The following RETREG1 variants were observed in gnomAD, a reference collection of about 807,000 sequenced individuals.
RETREG1 encodes the protein reticulophagy regulator 1, also known as family with sequence similarity 134 member B.
Under a neutral mutation model 54.8 loss-of-function variants are expected in RETREG1, and 44 were observed. That is an observed-to-expected ratio of 0.80 (90% CI 0.63 to 1.03). The LOEUF (loss-of-function observed/expected upper bound fraction) is 1.03, where lower values mean the gene tolerates loss of function less well. RETREG1 is among the 50% of genes least tolerant of loss of function. The probability of loss-of-function intolerance (pLI) is 0.00; values close to 1 mark genes in which losing one functional copy is unlikely to be tolerated. For missense variants in RETREG1, 554 were observed against 605.1 expected, an observed-to-expected ratio of 0.92 and a Z score of 0.89; for synonymous variants, 217 against 238.5, an observed-to-expected ratio of 0.91 and a Z score of 0.83.
intron 1 of RETREG1, among the ~76,000 whole-genome samples, chr5:16,573,735 G>GTTTTTTTTTTTTTTTTTTTT (rs3993826): frequency 8.2e-6 from 1 of 122,104 alleles, no homozygotes; most frequent in African/African-American, 2.8e-5. Flanking sequence ...GGGTTTGTTT[G>GTTTTTTTTTTTTTTTTTTTT]TTTTTTGTTT....
chr5:16,596,109 AGGT>A (rs1262615583), intron 1 of RETREG1, among the ~76,000 whole-genome samples: 1 of 152,222 alleles, frequency 6.6e-6, no homozygotes, highest in East Asian at 1.9e-4. Flanking sequence ...CTGTAACACG[AGGT>A]GGTTAAACTG....
rs1206274628 is a variant in RETREG1 at position 16,594,395 on chromosome 5, G to A, written c.320+22257C>T. On this transcript the variant is annotated intron_variant, in intron 1 of 8. Transcript: ENST00000306320. The surrounding 1 kb of genome is among the most constrained non-coding windows in gnomAD (Gnocchi z 4.4). ...ATTGTTAAATATCTTTAAATATGTA[G>A]ACAACTTTTATAAGAAAAAAAGTTA... is the stretch of plus-strand genomic sequence containing the variant. Among the ~76,000 whole-genome samples, 4 of 152,094 alleles carry A rather than the reference G, an allele frequency of 2.6e-5. No individual in the cohort carries two copies. Among genetic ancestry groups the A allele is most frequent in the Admixed American group, 2.6e-4 (4 of 15,264 alleles).
intron 3 of RETREG1, among the ~76,000 whole-genome samples, chr5:16,507,135 A>T (rs188106937): frequency 6.6e-6 from 1 of 152,234 alleles, no homozygotes; most frequent in East Asian, 1.9e-4. Flanking sequence ...AATTGTGAAA[A>T]TATTGCATTT....
intron 3 of RETREG1, among the ~76,000 whole-genome samples, chr5:16,520,322 T>G (rs2434589): frequency 0.13 from 18,027 of 140,924 alleles, 1,254 homozygotes; most frequent in African/African-American, 0.19. Context: ...TTGTGGTTTT[T>G]TTTTTGTTGT....
At chr5:16,592,901 G>A (rs960199649) in intron 1 of RETREG1, among the ~76,000 whole-genome samples, 1 of 152,104 alleles carries the variant, frequency 6.6e-6, no homozygotes, top group Non-Finnish European at 1.5e-5. Context: ...GGAGGGTGGA[G>A]GGTGGGAGGA....
chr5:16,609,071 A>G (rs556977581), intron 1 of RETREG1, among the ~76,000 whole-genome samples: 1 of 152,364 alleles, frequency 6.6e-6, no homozygotes, highest in South Asian at 2.1e-4. Context: ...ATAAAAGTCA[A>G]ATGGCATTCC....
intron 3 of RETREG1, among the ~76,000 whole-genome samples, chr5:16,553,975 T>G (rs1349364779): frequency 6.6e-6 from 1 of 152,170 alleles, no homozygotes; most frequent in Non-Finnish European, 1.5e-5. Flanking sequence ...GAGGATAAGA[T>G]TTAAATCTTA....
At chr5:16,586,148 G>A (rs433758) in intron 1 of RETREG1, among the ~76,000 whole-genome samples, 1,865 of 152,264 alleles carry the variant, frequency 0.012, 32 homozygotes, top group African/African-American at 0.041. Flanking sequence ...AGAAAGAAAC[G>A]GTGTGGCAGG....
At chr5:16,543,201 C>T (rs965327574) in intron 3 of RETREG1, among the ~76,000 whole-genome samples, 3 of 152,164 alleles carry the variant, frequency 2.0e-5, no homozygotes, top group Non-Finnish European at 4.4e-5. Flanking sequence ...CAGTATTCCA[C>T]CATATGGATA....
chr5:16,528,490 A>T (rs76379839), intron 3 of RETREG1, among the ~76,000 whole-genome samples: 1 of 152,116 alleles, frequency 6.6e-6, no homozygotes, highest in Non-Finnish European at 1.5e-5. Context: ...GACAGGAGTC[A>T]GCTCTGGATG....
At chr5:16,547,506 A>C (rs1214029052) in intron 3 of RETREG1, among the ~76,000 whole-genome samples, 3 of 152,224 alleles carry the variant, frequency 2.0e-5, no homozygotes, top group African/African-American at 7.2e-5. Flanking sequence ...GAAAACCATG[A>C]GTATTAGCAA....
chr5:16,588,489 C>T (rs879735115), intron 1 of RETREG1, among the ~76,000 whole-genome samples: 5 of 152,176 alleles, frequency 3.3e-5, no homozygotes, highest in Non-Finnish European at 5.9e-5. Flanking sequence ...CGATTCAGCC[C>T]ATAACACCAA....
intron 3 of RETREG1, among the ~76,000 whole-genome samples, chr5:16,518,110 G>A (rs2596382): frequency 0.85 from 124,947 of 147,802 alleles, 52,859 homozygotes; most frequent in Middle Eastern, 0.89. Context: ...TATAATCAAT[G>A]TATTTACATA....
At chr5:16,535,657 C>T (rs1741046050) in intron 3 of RETREG1, among the ~76,000 whole-genome samples, 1 of 140,822 alleles carries the variant, frequency 7.1e-6, no homozygotes, top group African/African-American at 2.8e-5. Context: ...GTGCACGCTG[C>T]CTTCACAAAG....
chr5:16,528,679 C>T (rs969680675), intron 3 of RETREG1, among the ~76,000 whole-genome samples: 7 of 152,194 alleles, frequency 4.6e-5, no homozygotes, highest in Admixed American at 4.6e-4. Context: ...TAACTTTGAT[C>T]CACTCACGTG....
chr5:16,595,680 T>C (rs1342629592), intron 1 of RETREG1, among the ~76,000 whole-genome samples: 2 of 152,172 alleles, frequency 1.3e-5, no homozygotes, highest in African/African-American at 4.8e-5. Flanking sequence ...ATACAAGCTA[T>C]TACTACTAAG....
chr5:16,570,059 C>T (rs1390957641), intron 2 of RETREG1, among the ~76,000 whole-genome samples: 1 of 152,170 alleles, frequency 6.6e-6, no homozygotes, highest in Non-Finnish European at 1.5e-5. Context: ...TACTGTCCTT[C>T]AGAACTTTAA....
At chr5:16,526,053 A>C (rs1740708054) in intron 3 of RETREG1, among the ~76,000 whole-genome samples, 1 of 151,668 alleles carries the variant, frequency 6.6e-6, no homozygotes, top group African/African-American at 2.4e-5. Flanking sequence ...TCACATCTGA[A>C]AAATACCTTT....
At chr5:16,554,546 T>A (rs2617426) in intron 3 of RETREG1, among the ~76,000 whole-genome samples, 108,592 of 152,088 alleles carry the variant, frequency 0.71, 40,545 homozygotes, top group Non-Finnish European at 0.83. Flanking sequence ...ATAGGAAAAA[T>A]AATGTAATAA....
Sources: allele counts gnomAD v4.1 joint callset (sites outside exome capture counted in the v4.1 genomes callset), GRCh38; gene constraint gnomAD v4.1.1; non-coding constraint Gnocchi (gnomAD v3.1); transcripts MANE v1.5; gene names NCBI Gene and HGNC (gene_info 2026-07-23, HGNC 2026-07-21).